DCLK3: variants seen among roughly 807,000 people sequenced by gnomAD.
DCLK3 encodes doublecortin like kinase 3.
A neutral mutation model predicts 46.4 loss-of-function variants in DCLK3; 30 were observed. The ratio of observed to expected loss-of-function variants is 0.65; its 90% CI spans 0.48 to 0.88. The LOEUF (loss-of-function observed/expected upper bound fraction) is 0.88. DCLK3 is among the 40% of genes least tolerant of loss of function. DCLK3 has a pLI of 0.00. For synonymous variants in DCLK3, 401 were observed against 339.2 expected (o/e 1.18, Z -2.00); for missense variants, 846 against 907.1 (o/e 0.93, Z 0.87).
At chr3:36,761,829 G>T (rs1200244113) in intron 1 of DCLK3, among the ~76,000 whole-genome samples, 1 of 152,126 alleles carries the variant, frequency 6.6e-6, no homozygotes, top group Admixed American at 6.5e-5. Context: ...CCACCCGCCT[G>T]CAGGCTGCAG....
At chr3:36,735,614 A>G (rs907297969) in intron 2 of DCLK3, among the ~76,000 whole-genome samples, 1 of 152,192 alleles carries the variant, frequency 6.6e-6, no homozygotes, top group Non-Finnish European at 1.5e-5. Flanking sequence ...AAAACAGTGT[A>G]AATCCCTTCC....
chr3:36,733,240 G>C lies in DCLK3; in HGVS notation c.1959+3968C>G, dbSNP rs1444848950. 2.6e-5 allele frequency among the ~76,000 whole-genome samples: 4 copies of C among 152,176 alleles called. No homozygotes were observed. In the East Asian group the frequency reaches 5.8e-4, roughly 22 times the overall value. ...TCCAGGGCTGTAACAGCTAGTCTGG[G>C]GGCAGTAGCAGAATTGGAGACATGA... On this transcript the variant is annotated intron_variant, in intron 2 of 4. Coordinates refer to ENST00000636136, the MANE Select transcript of DCLK3 (RefSeq NM_001394672.2).
Position 36,715,397 on chromosome 3 carries a change from C to T in DCLK3, c.2385G>A (p.Lys795=). The change falls in exon 5 of 5, where the codon AAG becomes AAA. Residue 795 remains lysine (K), a synonymous_variant. Coordinates refer to ENST00000636136, the MANE Select transcript of DCLK3 (RefSeq NM_001394672.2). Reference sequence around the variant, plus strand: ...GACCCTCGCTGCTGGGGGACACCTGCTTCTGTCGTTTCACTGTATTGGTCT... The same window carrying T: ...GACCCTCGCTGCTGGGGGACACCTGTTTCTGTCGTTTCACTGTATTGGTCT... ...AGKTNTVKRQ[K]QVSPSSEGHF... 6.2e-7 allele frequency: 1 copy of T among 1,614,150 alleles called. No homozygotes were observed. The highest frequency in any genetic ancestry group is 8.5e-7 in the Non-Finnish European group (1 of 1,180,012).
At position 36,715,028 on chromosome 3, in the gene DCLK3, A is replaced by G. The variant is rs1224173392; in HGVS notation, c.*300T>C. ...CTGGTAAGCACCACTCCTGTAGTAC[A>G]GAATAAACTTGGTTACAAAGGGGAA... On this transcript the variant is annotated 3_prime_UTR_variant, in exon 5 of 5. Transcript: ENST00000636136. 6.0e-6 allele frequency: 2 copies of G among 331,046 alleles called. No homozygotes were observed. Among genetic ancestry groups the G allele is most frequent in the Non-Finnish European group, 5.6e-6 (1 of 178,896 alleles). 20.5% of individuals were successfully genotyped at this position (331,046 alleles called of 1,614,324 possible). A position where few individuals can be genotyped will look rare whatever the true frequency, so the allele number is the denominator to read the frequency against.
Position 36,718,108 on chromosome 3 carries a change from G to C in DCLK3, c.2162C>G (p.Pro721Arg), listed in dbSNP as rs761691293. The C allele has an allele frequency of 1.9e-6, 3 of 1,614,176 alleles. No individual in the cohort carries two copies. Among genetic ancestry groups the C allele is most frequent in the Non-Finnish European group, 2.5e-6 (3 of 1,180,022 alleles). ...ILYILLCGFP[P>R]FRSPERDQDE... Reference sequence around the variant, plus strand: ...CTGGTCCCTCTCAGGGCTGCGGAATGGGGGAAAGCCACACAGCAGGATATA... The same window carrying C: ...CTGGTCCCTCTCAGGGCTGCGGAATCGGGGAAAGCCACACAGCAGGATATA... The change falls in exon 4 of 5, where the codon CCA becomes CGA. Residue 721 changes from proline (P) to arginine (R), a missense_variant. Pro to Arg is a moderately radical substitution (Grantham distance 103, BLOSUM62 -2). This residue lies in a region of DCLK3 where 247 missense variants were observed against 322.8 expected (regional missense o/e 0.77). Coordinates refer to ENST00000636136, the MANE Select transcript of DCLK3 (RefSeq NM_001394672.2).
intron 1 of DCLK3, among the ~76,000 whole-genome samples, chr3:36,759,927 C>T (rs1701523700): frequency 6.6e-6 from 1 of 152,190 alleles, no homozygotes; most frequent in Non-Finnish European, 1.5e-5. Flanking sequence ...CTCACACCTC[C>T]TCACCCACTC....
chr3:36,751,943 T>C (rs562359787), intron 1 of DCLK3, among the ~76,000 whole-genome samples: 63 of 152,318 alleles, frequency 4.1e-4, no homozygotes, highest in African/African-American at 1.5e-3. Flanking sequence ...TTTTCATCTA[T>C]TTCTGCCCCC....
At chr3:36,754,485 G>A (rs1303714090) in intron 1 of DCLK3, among the ~76,000 whole-genome samples, 4 of 152,170 alleles carry the variant, frequency 2.6e-5, no homozygotes, top group African/African-American at 9.7e-5. Flanking sequence ...GGCATCCTCT[G>A]ACATCATCTT....
At chr3:36,731,164 G>A (rs543245580) in intron 2 of DCLK3, among the ~76,000 whole-genome samples, 1 of 152,088 alleles carries the variant, frequency 6.6e-6, no homozygotes, top group Non-Finnish European at 1.5e-5. Flanking sequence ...AGCTGATGAA[G>A]GAATGGACTT....
At chr3:36,756,977 C>T (rs926268002) in intron 1 of DCLK3, among the ~76,000 whole-genome samples, 1 of 151,652 alleles carries the variant, frequency 6.6e-6, no homozygotes, top group African/African-American at 2.4e-5. Flanking sequence ...TGCCTGAGAC[C>T]AGGAGAGAGC....
At chr3:36,758,803 A>C (rs1317985886) in intron 1 of DCLK3, among the ~76,000 whole-genome samples, 1 of 152,260 alleles carries the variant, frequency 6.6e-6, no homozygotes, top group East Asian at 1.9e-4. Context: ...GTGTATAGAA[A>C]GGAAACTGAT....
In DCLK3 at chr3:36,715,188, C is replaced by T. The variant is rs1363136315; in HGVS notation, c.*140G>A. ...ACATTGACTTAATTTTTTTAATATG[C>T]TTTAAAATATACTCAGTGTCTCTCC... On this transcript the variant is annotated 3_prime_UTR_variant, in exon 5 of 5. Transcript: ENST00000636136. 1 of 925,772 alleles carries T rather than the reference C, an allele frequency of 1.1e-6. No individual in the cohort carries two copies. The highest frequency in any genetic ancestry group is 3.0e-5 in the East Asian group (1 of 33,260). 57.3% of individuals were successfully genotyped at this position (925,772 alleles called of 1,614,324 possible).
At chr3:36,732,694 A>T (rs1701213292) in intron 2 of DCLK3, among the ~76,000 whole-genome samples, 1 of 152,198 alleles carries the variant, frequency 6.6e-6, no homozygotes, top group Non-Finnish European at 1.5e-5. Context: ...CTAGTTTTTT[A>T]AATTAATGTG....
intron 1 of DCLK3, among the ~76,000 whole-genome samples, chr3:36,754,602 C>T (rs766777992): frequency 2.0e-5 from 3 of 152,186 alleles, no homozygotes; most frequent in Non-Finnish European, 4.4e-5. Context: ...GTCAGAGACA[C>T]TTACAGGTAA....
At chr3:36,740,365 T>TACC (rs1475625111) in intron 1 of DCLK3, among the ~76,000 whole-genome samples, 3 of 152,204 alleles carry the variant, frequency 2.0e-5, no homozygotes, top group African/African-American at 7.2e-5. Flanking sequence ...GTGCACAGCT[T>TACC]CTTCTGGCAT....
In DCLK3 at chr3:36,737,562, G is replaced by C; in HGVS notation, c.1605C>G (p.Asn535Lys). The C allele has an allele frequency of 6.2e-7, 1 of 1,614,162 alleles. No homozygotes were observed. ...GTCTGCACTCCTTCACGACAGCAAA[G>C]TTCCCATCCCCAATGACCCGGCCAG... The part of the protein sequence containing the change: ...YETGRVIGDG[N>K]FAVVKECRHR... Residue 535 changes from asparagine to lysine, a missense_variant, in exon 2 of 5, where the codon AAC becomes AAG. Around this residue, in one of 3 missense-constraint regions of DCLK3, gnomAD observed 553 missense variants for 543.0 expected, o/e 1.02. Transcript: ENST00000636136. The surrounding 1 kb of genome is among the most constrained non-coding windows in gnomAD (Gnocchi z 4.4).
In DCLK3 at chr3:36,738,111, G is replaced by A. The variant is rs201041947; in HGVS notation, c.1056C>T (p.Cys352=). 4.9e-4 allele frequency: 790 copies of A among 1,613,868 alleles called. 11 individuals are homozygous for A. The South Asian group carries it at 7.8e-3, about 16-fold the overall frequency. The change falls in exon 2 of 5, where the codon TGC becomes TGT. Residue 352 remains cysteine (C), a synonymous_variant. Transcript: ENST00000636136. ...CAGGATTTGCCTCGGGAGACCTCCT[G>A]CAGCTTCTGGTCCTCACCAGCTTCT... is the stretch of plus-strand genomic sequence containing the variant. The part of the protein sequence containing the change: ...DVEKLVRTRS[C]RRSPEANPAS...
intron 1 of DCLK3, among the ~76,000 whole-genome samples, chr3:36,763,935 C>A (rs567871890): frequency 6.6e-6 from 1 of 152,324 alleles, no homozygotes; most frequent in East Asian, 1.9e-4. Context: ...CTCCGGAGAG[C>A]GTTATTCCCC....
chr3:36,750,743 C>T (rs564956043), intron 1 of DCLK3, among the ~76,000 whole-genome samples: 125 of 152,198 alleles, frequency 8.2e-4, no homozygotes, highest in South Asian at 1.7e-3. Context: ...AGTAACTAGC[C>T]CAAGGCCACA....
Sources: allele counts gnomAD v4.1 joint callset (sites outside exome capture counted in the v4.1 genomes callset), GRCh38; gene constraint gnomAD v4.1.1; regional missense constraint gnomAD v4.1.1; non-coding constraint Gnocchi (gnomAD v3.1); transcripts MANE v1.5; gene names NCBI Gene and HGNC (gene_info 2026-07-23, HGNC 2026-07-21).